NCAM2: variants seen among roughly 807,000 people sequenced by gnomAD.
NCAM2 encodes N-CAM-2.
In NCAM2, 30 loss-of-function variants were observed where a neutral mutation model predicts 98.1. That is an observed-to-expected ratio of 0.31 (90% confidence interval 0.23 to 0.41). The LOEUF (loss-of-function observed/expected upper bound fraction) is 0.41, where lower values mean the gene tolerates loss of function less well. NCAM2 is among the 10% of genes least tolerant of loss of function. The pLI is 1.00. For missense variants in NCAM2, 867 were observed against 1,005.8 expected, an observed-to-expected ratio of 0.86 and a Z score of 1.87; for synonymous variants, 368 against 342.4, an observed-to-expected ratio of 1.07 and a Z score of -0.83.
At chr21:21,268,578 G>T (rs2072376073) in intron 1 of NCAM2, among the ~76,000 whole-genome samples, 1 of 152,036 alleles carries the variant, frequency 6.6e-6, no homozygotes, top group Non-Finnish European at 1.5e-5. Context: ...CGTTATATCA[G>T]CCTTTCTTTC....
intron 1 of NCAM2, among the ~76,000 whole-genome samples, chr21:21,252,010 T>C (rs995996357): frequency 1.3e-5 from 2 of 152,142 alleles, no homozygotes; most frequent in African/African-American, 4.8e-5. Flanking sequence ...CTAGGTTTTC[T>C]TCTAGGGTTT....
intron 5 of NCAM2, among the ~76,000 whole-genome samples, chr21:21,324,065 G>A (rs1330263012): frequency 2.0e-5 from 3 of 152,086 alleles, no homozygotes; most frequent in Admixed American, 6.6e-5. Context: ...AACAGATTTA[G>A]TAGTGAAATA....
intron 15 of NCAM2, among the ~76,000 whole-genome samples, chr21:21,507,527 C>T (rs1372852858): frequency 6.6e-6 from 1 of 152,114 alleles, no homozygotes; most frequent in African/African-American, 2.4e-5. Flanking sequence ...GGCACGGTGG[C>T]TCATGCCTGT....
At chr21:21,126,234 C>CAGAAA (rs1358951442) in intron 1 of NCAM2, among the ~76,000 whole-genome samples, 1 of 9,468 alleles carries the variant, frequency 1.1e-4, no homozygotes, top group African/African-American at 3.1e-4. Context: ...TATCATGGAA[C>CAGAAA]ATAAAAAAAA....
chr21:21,006,530 G>C (rs1601068808), intron 1 of NCAM2, among the ~76,000 whole-genome samples: 1 of 152,006 alleles, frequency 6.6e-6, no homozygotes, highest in African/African-American at 2.4e-5. Flanking sequence ...TGAAAAACAT[G>C]TGTCGATCCA....
At chr21:21,424,969 G>A (rs1052707934) in intron 11 of NCAM2, among the ~76,000 whole-genome samples, 11 of 141,240 alleles carry the variant, frequency 7.8e-5, no homozygotes, top group African/African-American at 2.9e-4. Context: ...CCAGGAGGCG[G>A]AAGTTGCAGT....
chr21:21,487,816 G>T (rs760906395), intron 15 of NCAM2, among the ~76,000 whole-genome samples: 1 of 152,114 alleles, frequency 6.6e-6, no homozygotes, highest in Non-Finnish European at 1.5e-5. Flanking sequence ...TATGCTAACA[G>T]AGTAGGCCTA....
At chr21:21,063,319 A>G (rs2065361898) in intron 1 of NCAM2, among the ~76,000 whole-genome samples, 1 of 140,144 alleles carries the variant, frequency 7.1e-6, no homozygotes, top group Non-Finnish European at 1.5e-5. Context: ...CCTGGGTTCA[A>G]GTGATTCTCT....
At chr21:21,212,984 C>T (rs1400827515) in intron 1 of NCAM2, among the ~76,000 whole-genome samples, 1 of 152,044 alleles carries the variant, frequency 6.6e-6, no homozygotes, top group Non-Finnish European at 1.5e-5. Context: ...TCATGATCCG[C>T]CCGCCTTGGC....
At chr21:21,175,351 G>A (rs1399153374) in intron 1 of NCAM2, among the ~76,000 whole-genome samples, 2 of 152,002 alleles carry the variant, frequency 1.3e-5, no homozygotes, top group African/African-American at 4.8e-5. Context: ...TGGCCAACAT[G>A]GTGAAACCCT....
At chr21:21,380,903 CCTCT>C (rs146766590) in intron 9 of NCAM2, among the ~76,000 whole-genome samples, 8,740 of 152,168 alleles carry the variant, frequency 0.057, 298 homozygotes, top group East Asian at 0.12. Flanking sequence ...GAATTAAATA[CCTCT>C]CTTTTTCTCT....
intron 12 of NCAM2, among the ~76,000 whole-genome samples, chr21:21,439,597 A>G (rs773283200): frequency 1.6e-4 from 24 of 152,276 alleles, no homozygotes; most frequent in Non-Finnish European, 2.6e-4. Flanking sequence ...TTTATAATCA[A>G]TATGCCTGTT....
intron 1 of NCAM2, among the ~76,000 whole-genome samples, chr21:21,075,903 G>A (rs1601292949): frequency 6.6e-6 from 1 of 152,010 alleles, no homozygotes; most frequent in Admixed American, 6.6e-5. Context: ...GATCACCTGA[G>A]GTCAGGAGTT....
chr21:21,431,946 CA>C (rs2146028208), intron 11 of NCAM2, among the ~76,000 whole-genome samples, 161 bp from the exon 12 acceptor site: 1 of 152,260 alleles, frequency 6.6e-6, no homozygotes, highest in South Asian at 2.1e-4. Flanking sequence ...CTTGTAATTT[CA>C]AAAGAACATT....
chr21:21,160,618 T>A (rs1466042178), intron 1 of NCAM2, among the ~76,000 whole-genome samples: 1 of 152,026 alleles, frequency 6.6e-6, no homozygotes, highest in African/African-American at 2.4e-5. Context: ...ATGAATCTCA[T>A]CTGTGAAATC....
intron 12 of NCAM2, among the ~76,000 whole-genome samples, chr21:21,465,983 T>C (rs952248000): frequency 6.6e-6 from 1 of 152,098 alleles, no homozygotes; most frequent in South Asian, 2.1e-4. Flanking sequence ...TTTCATATTC[T>C]TCCTTAGTGT....
rs539784258 is a variant in NCAM2 at position 21,095,062 on chromosome 21, G to A, written c.55+96444G>A. Among the ~76,000 whole-genome samples, 51 of 151,798 alleles carry A rather than the reference G, an allele frequency of 3.4e-4. No homozygotes were observed. The South Asian group carries it at 0.01, about 31-fold the overall frequency. On this transcript the variant is annotated intron_variant, in intron 1 of 17. Transcript: ENST00000400546. ...TATAAATATTCCCAGAAGTGGTGCTGCTGTCTTACAGTGTCTTCAAGAAAT... is the reference window on the plus strand; with the variant it reads ...TATAAATATTCCCAGAAGTGGTGCTACTGTCTTACAGTGTCTTCAAGAAAT...
intron 12 of NCAM2, among the ~76,000 whole-genome samples, chr21:21,460,626 A>G (rs73324896): frequency 0.065 from 9,807 of 151,986 alleles, 460 homozygotes; most frequent in African/African-American, 0.12. Flanking sequence ...TATAATTTTT[A>G]AAAACATAAA....
chr21:21,312,146 G>C (rs2074074334), intron 5 of NCAM2, among the ~76,000 whole-genome samples: 1 of 151,956 alleles, frequency 6.6e-6, no homozygotes, highest in Admixed American at 6.6e-5. Context: ...TTTTTGGCAG[G>C]TGTTTTTCAT....
Sources: allele counts gnomAD v4.1 joint callset (sites outside exome capture counted in the v4.1 genomes callset), GRCh38; gene constraint gnomAD v4.1.1; transcripts MANE v1.5; gene names NCBI Gene and HGNC (gene_info 2026-07-23, HGNC 2026-07-21).